ITGB6: variants seen among roughly 807,000 people sequenced by gnomAD.
ITGB6 encodes integrin subunit beta 6, also known as integrin beta-6.
In ITGB6, 80 loss-of-function variants were observed where a neutral mutation model predicts 84.5. That is an observed-to-expected ratio of 0.95 (90% CI 0.79 to 1.14). ITGB6 has a LOEUF of 1.14. Ranked by LOEUF, ITGB6 falls within the 50% of genes most tolerant of loss-of-function variation. The pLI is 0.00. For synonymous variants in ITGB6, 383 were observed against 354.9 expected (o/e 1.08, Z -0.89); for missense variants, 1,006 against 968.0 (o/e 1.04, Z -0.52).
intron 9 of ITGB6, 43 bp from the exon 10 acceptor site, chr2:160,137,894 T>G (rs1387988876): frequency 3.8e-6 from 6 of 1,590,848 alleles, no homozygotes; most frequent in Non-Finnish European, 5.2e-6. Flanking sequence ...TCCACCAAAA[T>G]GCACGAGGTG....
intron 2 of ITGB6, among the ~76,000 whole-genome samples, chr2:160,198,652 G>A (rs2105901237): frequency 6.6e-6 from 1 of 152,228 alleles, no homozygotes; most frequent in South Asian, 2.1e-4. Flanking sequence ...CACTGGTGTG[G>A]TACAGAGTCA....
chr2:160,130,977 C>T (rs986325705), intron 10 of ITGB6, among the ~76,000 whole-genome samples: 3 of 152,172 alleles, frequency 2.0e-5, no homozygotes, highest in African/African-American at 7.2e-5. Context: ...AGAAGCCCTC[C>T]TCTCTCCTGG....
chr2:160,197,995 T>C (rs549919810), intron 2 of ITGB6, among the ~76,000 whole-genome samples: 2 of 152,368 alleles, frequency 1.3e-5, no homozygotes, highest in South Asian at 2.1e-4. Context: ...CCAAGTATTA[T>C]ACACAAGTAA....
At chr2:160,110,677 C>CT (rs934562266) in intron 13 of ITGB6, among the ~76,000 whole-genome samples, 2 of 152,194 alleles carry the variant, frequency 1.3e-5, no homozygotes, top group East Asian at 1.9e-4. Flanking sequence ...TCACTCAGTT[C>CT]TTTTTTTCAA....
intron 7 of ITGB6, among the ~76,000 whole-genome samples, chr2:160,161,563 T>C (rs568165721): frequency 3.3e-5 from 5 of 152,272 alleles, no homozygotes; most frequent in Admixed American, 6.5e-5. Flanking sequence ...AGTGCTGGGA[T>C]CACAGGCATG....
chr2:160,155,737 T>C (rs1684600631), intron 7 of ITGB6, among the ~76,000 whole-genome samples: 2 of 152,144 alleles, frequency 1.3e-5, no homozygotes, highest in African/African-American at 2.4e-5. Flanking sequence ...ACCAAGGACA[T>C]GGTGCCAGAA....
At chr2:160,117,949 C>G (rs1334317970) in intron 12 of ITGB6, among the ~76,000 whole-genome samples, 5 of 152,162 alleles carry the variant, frequency 3.3e-5, no homozygotes, top group Admixed American at 6.5e-5. Context: ...CATACATCCT[C>G]CCAAGACTAA....
At chr2:160,180,304 G>T (rs569797708) in intron 4 of ITGB6, among the ~76,000 whole-genome samples, 1 of 152,196 alleles carries the variant, frequency 6.6e-6, no homozygotes, top group African/African-American at 2.4e-5. Context: ...TTAGATTAAA[G>T]AGGTGGATTT....
chr2:160,180,128 A>G (rs1158728163), intron 4 of ITGB6, among the ~76,000 whole-genome samples: 1 of 148,746 alleles, frequency 6.7e-6, no homozygotes, highest in Admixed American at 6.6e-5. Context: ...AAAAAAAAAA[A>G]CAAACAAAAA....
At chr2:160,107,404 C>A (rs1380591593) in intron 14 of ITGB6, among the ~76,000 whole-genome samples, 1 of 152,104 alleles carries the variant, frequency 6.6e-6, no homozygotes, top group Non-Finnish European at 1.5e-5. Context: ...AAATATACTT[C>A]CCCAATGTCC....
intron 7 of ITGB6, among the ~76,000 whole-genome samples, chr2:160,148,177 C>G (rs1218799438): frequency 6.6e-6 from 1 of 152,092 alleles, no homozygotes; most frequent in Non-Finnish European, 1.5e-5. Context: ...AAAGAAGATA[C>G]AGAGATGGCA....
chr2:160,119,403 C>A (rs1334658726), intron 12 of ITGB6, among the ~76,000 whole-genome samples: 3 of 151,972 alleles, frequency 2.0e-5, no homozygotes, highest in Non-Finnish European at 4.4e-5. Flanking sequence ...CTGAGAAAAA[C>A]AAGCAATGGG....
chr2:160,168,553 A>G (rs995748173), intron 7 of ITGB6, among the ~76,000 whole-genome samples: 1 of 152,212 alleles, frequency 6.6e-6, no homozygotes, highest in Admixed American at 6.5e-5. Context: ...GGGAAAAAAA[A>G]CCACAGAAAT....
At chr2:160,128,383 G>A (rs1287838842) in intron 10 of ITGB6, among the ~76,000 whole-genome samples, 2 of 152,116 alleles carry the variant, frequency 1.3e-5, no homozygotes, top group African/African-American at 4.8e-5. Flanking sequence ...CATATGGAGT[G>A]TGGCAGGTGG....
At chr2:160,184,853 G>A (rs569950168) in intron 4 of ITGB6, among the ~76,000 whole-genome samples, 3 of 152,124 alleles carry the variant, frequency 2.0e-5, no homozygotes, top group East Asian at 1.9e-4. Flanking sequence ...ATAATCCATC[G>A]CATAAACAGA....
intron 7 of ITGB6, among the ~76,000 whole-genome samples, chr2:160,146,698 T>TTCTC (rs1485999470): frequency 1.3e-5 from 2 of 152,186 alleles, no homozygotes; most frequent in Non-Finnish European, 2.9e-5. Flanking sequence ...CTTTCTTTCT[T>TTCTC]ATCAACTTTA....
rs1684019298 is a variant in ITGB6 at position 160,142,055 on chromosome 2, A to G, written c.1034T>C (p.Ile345Thr). 1 of 1,602,696 alleles carries G rather than the reference A, an allele frequency of 6.2e-7. No individual in the cohort carries two copies. Among genetic ancestry groups the G allele is most frequent in the Non-Finnish European group, 8.5e-7 (1 of 1,172,530 alleles). The change falls in exon 8 of 15, where the codon ATT becomes ACT. Residue 345 changes from isoleucine (I) to threonine (T), a missense_variant. Transcript: ENST00000283249. ...VHLYENYAKL[I>T]PGATVGLLQK... The stretch of plus-strand genomic sequence containing the variant: ...AAGTAGACCTACTGTAGCTCCAGGA[A>G]TAAGTTTTGCGTAATTCTGTAAACA...
chr2:160,139,082 A>G (rs1683888389), intron 8 of ITGB6, among the ~76,000 whole-genome samples: 1 of 152,316 alleles, frequency 6.6e-6, no homozygotes, highest in South Asian at 2.1e-4. Context: ...GGGGAATACT[A>G]TAAGAATGCT....
At position 160,128,274 on chromosome 2, in the gene ITGB6, CAA is replaced by C. The variant is rs11464202; in HGVS notation, c.1661-1675_1661-1674del. 4.7e-3 allele frequency among the ~76,000 whole-genome samples: 645 copies of C among 138,318 alleles called. 5 individuals carry two copies. The highest frequency in any genetic ancestry group is 0.016 in the African/African-American group (606 of 37,614). 90.7% of individuals were successfully genotyped at this position (138,318 alleles called of 152,430 possible). On this transcript the variant is annotated intron_variant, in intron 10 of 14. Transcript: ENST00000283249. ...ATTTGAAAGATACGGGTAGACAATA[CAA>C]AAAAAAAAAAAGGTTCTATGCATTT...
Sources: allele counts gnomAD v4.1 joint callset (sites outside exome capture counted in the v4.1 genomes callset), GRCh38; gene constraint gnomAD v4.1.1; transcripts MANE v1.5; gene names NCBI Gene and HGNC (gene_info 2026-07-23, HGNC 2026-07-21).